The following FLI1 variants were observed in gnomAD, a reference collection of about 807,000 sequenced individuals.
The protein encoded by FLI1 is Friend leukemia integration 1 transcription factor.
In FLI1, 13 loss-of-function variants were observed where a neutral mutation model predicts 53.1. That is an observed-to-expected ratio of 0.24 (90% CI 0.16 to 0.39). FLI1 has a LOEUF of 0.39. FLI1 is among the 10% of genes least tolerant of loss of function. The probability of loss-of-function intolerance (pLI) is 1.00; values close to 1 mark genes in which losing one functional copy is unlikely to be tolerated. For missense variants in FLI1, 424 were observed against 600.5 expected (o/e 0.71, Z 3.07); for synonymous variants, 244 against 236.7 (o/e 1.03, Z -0.28).
At chr11:128,757,177 A>T (rs536035306) in intron 1 of FLI1, among the ~76,000 whole-genome samples, 2 of 150,594 alleles carry the variant, frequency 1.3e-5, no homozygotes, top group Non-Finnish European at 2.9e-5. Flanking sequence ...GAACTCCTGG[A>T]CTCAATAGAT....
In FLI1 at chr11:128,811,239, C is replaced by A. The variant is rs961985208; in HGVS notation, c.*251C>A. 5 of 535,016 alleles carry A rather than the reference C, an allele frequency of 9.3e-6. No homozygotes were observed. The highest frequency in any genetic ancestry group is 7.6e-5 in the African/African-American group (4 of 52,710). The allele number at this position is 535,016 out of a possible 1,614,324, so 33.1% of individuals were successfully genotyped here. On this transcript the variant is annotated 3_prime_UTR_variant, in exon 9 of 9. Coordinates refer to ENST00000527786, the MANE Select transcript of FLI1 (RefSeq NM_002017.5). The stretch of plus-strand genomic sequence containing the variant: ...CCAGTTTGAATTCTCAGTCTCCTAG[C>A]ATCTTGTGAGTTGCATATTAAGATT...
At chr11:128,777,397 A>G (rs931162144) in intron 4 of FLI1, among the ~76,000 whole-genome samples, 13 of 152,132 alleles carry the variant, frequency 8.5e-5, no homozygotes, top group Non-Finnish European at 1.9e-4. Context: ...AAAGAATGAA[A>G]CTGCGCGACC....
chr11:128,702,108 T>C (rs1049312165), intron 1 of FLI1, among the ~76,000 whole-genome samples: 3 of 152,262 alleles, frequency 2.0e-5, no homozygotes, highest in African/African-American at 7.2e-5. Flanking sequence ...GAAATTCTCA[T>C]GTCTACAGAG....
chr11:128,726,989 G>T (rs998485338), intron 1 of FLI1, among the ~76,000 whole-genome samples: 1 of 152,110 alleles, frequency 6.6e-6, no homozygotes, highest in South Asian at 2.1e-4. Context: ...TTTGGGAAGG[G>T]CAATACTGAT....
rs563499050 is a variant in FLI1 at position 128,707,121 on chromosome 11, G to A, written c.18+12845G>A. 5.3e-5 allele frequency among the ~76,000 whole-genome samples: 8 copies of A among 152,310 alleles called. No individual in the cohort carries two copies. In the South Asian group the frequency reaches 1.7e-3, roughly 32 times the overall value. ...GCTTGGGCGATAGCAAAGGCAAGGG[G>A]TTAAAATGACTGCCCCACACTATGA... is the stretch of plus-strand genomic sequence containing the variant. On this transcript the variant is annotated intron_variant, in intron 1 of 8. Transcript: ENST00000527786.
intron 5 of FLI1, among the ~76,000 whole-genome samples, chr11:128,786,377 A>G (rs1942082003): frequency 6.6e-6 from 1 of 152,234 alleles, no homozygotes; most frequent in South Asian, 2.1e-4. Context: ...TGTCATTGTC[A>G]TTGATGACTG....
intron 1 of FLI1, among the ~76,000 whole-genome samples, chr11:128,747,862 A>G (rs1291164083): frequency 6.6e-6 from 1 of 152,212 alleles, no homozygotes. Flanking sequence ...GGTTCAGATG[A>G]ATGTTCTATC....
At chr11:128,809,109 C>A in intron 7 of FLI1, 48 bp from the exon 8 acceptor site, 1 of 1,486,810 alleles carries the variant, frequency 6.7e-7, no homozygotes, top group South Asian at 1.1e-5. Flanking sequence ...GTACGGTTGT[C>A]ATATTTTTTA....
chr11:128,759,270 G>A (rs545991258), intron 2 of FLI1, among the ~76,000 whole-genome samples: 1 of 152,334 alleles, frequency 6.6e-6, no homozygotes, highest in South Asian at 2.1e-4. Context: ...ATGGCAGGCT[G>A]AAAACATGTG....
At chr11:128,757,080 CTT>C (rs1047616430) in intron 1 of FLI1, among the ~76,000 whole-genome samples, 13 of 146,138 alleles carry the variant, frequency 8.9e-5, no homozygotes, top group Non-Finnish European at 1.3e-4. Context: ...TTCTTTCTTT[CTT>C]TCTTTCTTTC....
chr11:128,726,604 G>A (rs1939493711), intron 1 of FLI1, among the ~76,000 whole-genome samples: 1 of 127,644 alleles, frequency 7.8e-6, no homozygotes, highest in Non-Finnish European at 1.5e-5. Context: ...GTGGATACTT[G>A]AGTCACTTGG....
intron 5 of FLI1, among the ~76,000 whole-genome samples, chr11:128,797,886 C>T (rs1239739466): frequency 6.6e-6 from 1 of 152,180 alleles, no homozygotes; most frequent in Middle Eastern, 3.4e-3. Flanking sequence ...AAGCAGGACA[C>T]GGGCAGTAGA....
At chr11:128,745,321 G>A (rs1940333381) in intron 1 of FLI1, among the ~76,000 whole-genome samples, 1 of 152,122 alleles carries the variant, frequency 6.6e-6, no homozygotes, top group South Asian at 2.1e-4. Flanking sequence ...CAGGAACTGC[G>A]CAGAGACGGC....
chr11:128,786,149 T>C (rs1437011687), intron 5 of FLI1, among the ~76,000 whole-genome samples: 1 of 152,334 alleles, frequency 6.6e-6, no homozygotes, highest in African/African-American at 2.4e-5. Flanking sequence ...GTTATTCATA[T>C]AAGCCAAGCT....
At chr11:128,802,591 C>T (rs1431106033) in intron 5 of FLI1, among the ~76,000 whole-genome samples, 3 of 152,224 alleles carry the variant, frequency 2.0e-5, no homozygotes, top group Admixed American at 6.5e-5. Flanking sequence ...TCTGTCACTT[C>T]CTTTTTCACC....
chr11:128,693,731 G>T (rs1051493941), upstream of FLI1: 2 of 233,288 alleles, frequency 8.6e-6, no homozygotes, highest in East Asian at 6.0e-5. Context: ...GACGCTGGGC[G>T]TGGACCCCGT....
At chr11:128,794,200 A>G (rs56275778) in intron 5 of FLI1, among the ~76,000 whole-genome samples, 15,343 of 152,184 alleles carry the variant, frequency 0.1, 930 homozygotes, top group East Asian at 0.27. Flanking sequence ...TGCTTGGTTC[A>G]CAATAGAAGT....
intron 1 of FLI1, among the ~76,000 whole-genome samples, chr11:128,720,815 C>A (rs1939221388): frequency 6.6e-6 from 1 of 152,228 alleles, no homozygotes; most frequent in Non-Finnish European, 1.5e-5. Context: ...CCCCTCACAG[C>A]AACAGGGTCA....
chr11:128,764,741 G>A (rs780630256), intron 2 of FLI1: 98 of 1,579,170 alleles, frequency 6.2e-5, no homozygotes, highest in Middle Eastern at 1.7e-4. Context: ...ATGGCCGCAC[G>A]CAGGGCTTGC....
Sources: allele counts gnomAD v4.1 joint callset (sites outside exome capture counted in the v4.1 genomes callset), GRCh38; gene constraint gnomAD v4.1.1; transcripts MANE v1.5; gene names NCBI Gene and HGNC (gene_info 2026-07-23, HGNC 2026-07-21).